Variants in TRPS1 observed in about 807,000 individuals in gnomAD.
TRPS1 encodes zinc finger transcription factor Trps1.
TRPS1 carries 6 observed loss-of-function variants against 101.2 expected under a neutral mutation model. The observed-to-expected ratio is 0.06, with a 90% CI of 0.03 to 0.12. The LOEUF is 0.12. Among genes scored for constraint, TRPS1 ranks in the 10% least tolerant of loss-of-function variants. The pLI is 1.00. For missense variants in TRPS1, 1,363 were observed against 1,567.0 expected (o/e 0.87, Z 2.20); for synonymous variants, 578 against 589.8 (o/e 0.98, Z 0.29).
chr8:115,500,171 A>G (rs1223378201), intron 5 of TRPS1, among the ~76,000 whole-genome samples: 1 of 151,952 alleles, frequency 6.6e-6, no homozygotes, highest in African/African-American at 2.4e-5. Context: ...CTGGGATTAT[A>G]GGCACGCAGC....
intron 1 of TRPS1, among the ~76,000 whole-genome samples, chr8:115,646,597 C>T (rs1240952217): frequency 6.6e-6 from 1 of 152,178 alleles, no homozygotes; most frequent in African/African-American, 2.4e-5. Context: ...TACTCTAGGA[C>T]TTGCTCCTCC....
Position 115,536,522 on chromosome 8 carries a change from C to CAAAAAAAA in TRPS1, c.2700+50471_2700+50478dup, listed in dbSNP as rs752895683. On this transcript the variant is annotated intron_variant, in intron 5 of 6. Coordinates refer to ENST00000395715, the MANE Select transcript of TRPS1 (RefSeq NM_014112.5). Reference sequence around the variant, plus strand: ...TGGGCGACAGAGGGAGACTCCGTCTCAAAAAAAAAAAAAAAAAAATGTATT... The same window carrying CAAAAAAAA: ...TGGGCGACAGAGGGAGACTCCGTCTCAAAAAAAAAAAAAAAAAAAAAAAAAAATGTATT... 1.2e-3 allele frequency among the ~76,000 whole-genome samples: 125 copies of CAAAAAAAA among 102,854 alleles called. 1 individual carries two copies. Among genetic ancestry groups the CAAAAAAAA allele is most frequent in the African/African-American group, 4.4e-3 (119 of 26,764 alleles). 67.5% of individuals were successfully genotyped at this position (102,854 alleles called of 152,430 possible). A position where few individuals can be genotyped will look rare whatever the true frequency, so the allele number is the denominator to read the frequency against.
intron 5 of TRPS1, among the ~76,000 whole-genome samples, chr8:115,542,567 A>G (rs1816478985): frequency 6.6e-6 from 1 of 152,090 alleles, no homozygotes; most frequent in African/African-American, 2.4e-5. Flanking sequence ...GATGGGGAGA[A>G]AAAGGGAGAA....
At chr8:115,601,639 AT>A (rs1817910225) in intron 4 of TRPS1, among the ~76,000 whole-genome samples, 1 of 152,226 alleles carries the variant, frequency 6.6e-6, no homozygotes, top group South Asian at 2.1e-4. Flanking sequence ...TGCTATTTCA[AT>A]TTTTAGCTAA....
chr8:115,558,674 T>C (rs1350984273), intron 5 of TRPS1, among the ~76,000 whole-genome samples: 1 of 152,180 alleles, frequency 6.6e-6, no homozygotes, highest in Non-Finnish European at 1.5e-5. Flanking sequence ...CTCAGTGGGG[T>C]TCTGTACAAT....
intron 5 of TRPS1, among the ~76,000 whole-genome samples, chr8:115,528,008 T>C (rs955241441): frequency 4.6e-5 from 7 of 152,068 alleles, no homozygotes; most frequent in African/African-American, 1.7e-4. Flanking sequence ...AATCAATTGC[T>C]TGTTCATATA....
intron 5 of TRPS1, among the ~76,000 whole-genome samples, chr8:115,566,476 T>G (rs1358838124): frequency 2.0e-5 from 3 of 152,122 alleles, no homozygotes; most frequent in Non-Finnish European, 4.4e-5. Context: ...ATGGCATGGC[T>G]TAGGGAAGCA....
At chr8:115,462,473 T>C (rs1318896464) in intron 5 of TRPS1, among the ~76,000 whole-genome samples, 2 of 152,178 alleles carry the variant, frequency 1.3e-5, no homozygotes, top group African/African-American at 4.8e-5. Context: ...GGTATCTACC[T>C]CATTGAATGG....
chr8:115,479,893 G>A (rs1400154819), intron 5 of TRPS1, among the ~76,000 whole-genome samples: 2 of 152,096 alleles, frequency 1.3e-5, no homozygotes, highest in Non-Finnish European at 2.9e-5. Context: ...GTCCTCAGAA[G>A]AGTGTTATAT....
chr8:115,572,899 G>A lies in TRPS1; in HGVS notation c.2700+14102C>T, dbSNP rs148296040. Among the ~76,000 whole-genome samples the A allele has an allele frequency of 2.4e-3, 366 of 152,170 alleles. 8 individuals carry two copies. The East Asian group carries it at 0.059, about 25-fold the overall frequency. On this transcript the variant is annotated intron_variant, in intron 5 of 6. Coordinates refer to ENST00000395715, the MANE Select transcript of TRPS1 (RefSeq NM_014112.5). ...TGTAATCCCAGCACTTTGGGAGGCC[G>A]AGGTGGGTGGATCACCTGAGGTCAG...
chr8:115,546,403 C>T (rs554673954), intron 5 of TRPS1, among the ~76,000 whole-genome samples: 3 of 152,044 alleles, frequency 2.0e-5, no homozygotes, highest in African/African-American at 7.2e-5. Context: ...TTAAGTGATA[C>T]CTGGGATACT....
At chr8:115,632,838 A>G (rs920073457) in intron 1 of TRPS1, among the ~76,000 whole-genome samples, 1 of 152,180 alleles carries the variant, frequency 6.6e-6, no homozygotes, top group Non-Finnish European at 1.5e-5. Context: ...ACGAAGAAAG[A>G]GACCAGGAGG....
intron 5 of TRPS1, among the ~76,000 whole-genome samples, chr8:115,438,326 C>A (rs1813507843): frequency 6.6e-6 from 1 of 152,196 alleles, no homozygotes; most frequent in Non-Finnish European, 1.5e-5. Context: ...ACTAGGCACA[C>A]AATGGTAAAA....
intron 5 of TRPS1, among the ~76,000 whole-genome samples, chr8:115,471,930 C>G (rs1422300184): frequency 1.3e-5 from 2 of 152,240 alleles, no homozygotes; most frequent in Admixed American, 1.3e-4. Context: ...AGCTCCACCC[C>G]TGTGGTTTGC....
At chr8:115,501,424 G>A (rs1815317070) in intron 5 of TRPS1, among the ~76,000 whole-genome samples, 1 of 152,148 alleles carries the variant, frequency 6.6e-6, no homozygotes, top group Admixed American at 6.5e-5. Context: ...CTACAAACGA[G>A]TGTTAACTTT....
At chr8:115,462,129 G>A (rs1814196110) in intron 5 of TRPS1, among the ~76,000 whole-genome samples, 3 of 152,156 alleles carry the variant, frequency 2.0e-5, no homozygotes, top group Admixed American at 6.6e-5. Context: ...GTATTCTGAG[G>A]AAATATGATC....
Position 115,415,045 on chromosome 8 carries a change from C to T in TRPS1, c.2863G>A (p.Glu955Lys), listed in dbSNP as rs749848431. 1 of 1,593,392 alleles carries T rather than the reference C, an allele frequency of 6.3e-7. No homozygotes were observed. The highest frequency in any genetic ancestry group is 8.5e-7 in the Non-Finnish European group (1 of 1,174,282). ...CTTGTTCTCCTCCTAATAATCTGCT[C>T]ACCGTTGTTTTGTTTAATGATGTTT... ...PLNIIKQNNG[E>K]QIIRRRTRKR... The change falls in exon 7 of 7, where the codon GAG (glutamate) becomes AAG (lysine). Residue 955 changes from glutamate to lysine, a missense_variant. Glu to Lys is a moderately conservative substitution (Grantham distance 56, BLOSUM62 1). Around this residue, in one of 5 missense-constraint regions of TRPS1, gnomAD observed 12 missense variants for 28.0 expected, o/e 0.43. Transcript: ENST00000395715.
chr8:115,542,375 C>T (rs112777208), intron 5 of TRPS1, among the ~76,000 whole-genome samples: 9 of 152,182 alleles, frequency 5.9e-5, no homozygotes, highest in African/African-American at 2.2e-4. Context: ...AATTCATTTC[C>T]TGACTTTCCG....
chr8:115,426,990 G>T (rs549224238), intron 5 of TRPS1, among the ~76,000 whole-genome samples: 1 of 152,156 alleles, frequency 6.6e-6, no homozygotes, highest in South Asian at 2.1e-4. Flanking sequence ...AAGCATTTTT[G>T]GCCAGGCGTG....
Sources: allele counts gnomAD v4.1 joint callset (sites outside exome capture counted in the v4.1 genomes callset), GRCh38; gene constraint gnomAD v4.1.1; regional missense constraint gnomAD v4.1.1; transcripts MANE v1.5; gene names NCBI Gene and HGNC (gene_info 2026-07-23, HGNC 2026-07-21).